Variants in MYCBP2 observed in about 807,000 individuals in gnomAD.
MYCBP2 encodes the protein E3 ubiquitin-protein ligase MYCBP2.
In MYCBP2, 120 loss-of-function variants were observed where a neutral mutation model predicts 525.3. The observed-to-expected ratio is 0.23, with a 90% CI of 0.20 to 0.27. The LOEUF (loss-of-function observed/expected upper bound fraction) is 0.27. Ranked by LOEUF, MYCBP2 falls within the 10% of genes least tolerant of loss-of-function variation. The pLI is 1.00. For synonymous variants in MYCBP2, 1,894 were observed against 1,955.8 expected (o/e 0.97, Z 0.83); for missense variants, 4,149 against 5,657.1 (o/e 0.73, Z 8.55).
At position 77,121,437 on chromosome 13, in the gene MYCBP2, T is replaced by A; in HGVS notation, c.8076A>T (p.Gln2692His). Residue 2692 changes from glutamine (Q) to histidine (H), a missense_variant, in exon 55 of 83, where the codon CAA becomes CAT. Gln to His is a conservative substitution (Grantham distance 24). Transcript: ENST00000544440. ...QTPPPSPFSV[Q>H]AFNKGASCSA... is the part of the protein sequence containing the mutation. ...TGCAACTTGCCCCTTTATTAAAAGC[T>A]TGCACTGAGAAAGGGCTTGGAGGAG... is the stretch of plus-strand genomic sequence containing the variant. 1.3e-6 allele frequency: 2 copies of A among 1,597,248 alleles called. No individual in the cohort carries two copies. Among genetic ancestry groups the A allele is most frequent in the Middle Eastern group, 1.7e-4 (1 of 5,978 alleles).
intron 3 of MYCBP2, among the ~76,000 whole-genome samples, chr13:77,286,316 A>G (rs2076752080): frequency 6.6e-6 from 1 of 152,232 alleles, no homozygotes; most frequent in Non-Finnish European, 1.5e-5. Flanking sequence ...GTCATAAATC[A>G]TTTATAATTA....
At chr13:77,220,468 T>C (rs1348627376) in intron 20 of MYCBP2, among the ~76,000 whole-genome samples, 1 of 152,148 alleles carries the variant, frequency 6.6e-6, no homozygotes. Context: ...ATTCTGGCAA[T>C]ATAACACATT....
chr13:77,217,984 C>T lies in MYCBP2; in HGVS notation c.2940-27G>A, dbSNP rs551497803. ...TAGGTTAAAAAAAAAAAAAGTAAGT[C>T]AATTTCTTACAAAACTCAACTAAAA... On this transcript the variant is annotated intron_variant, in intron 20 of 82. Coordinates refer to ENST00000544440, the MANE Select transcript of MYCBP2 (RefSeq NM_015057.5). 4.1e-5 allele frequency: 58 copies of T among 1,409,448 alleles called. 1 individual carries two copies. In the South Asian group the frequency reaches 5.7e-4, roughly 14 times the overall value. 87.3% of individuals were successfully genotyped at this position (1,409,448 alleles called of 1,614,324 possible).
chr13:77,069,506 G>A (rs868163475), intron 69 of MYCBP2, among the ~76,000 whole-genome samples: 3 of 151,790 alleles, frequency 2.0e-5, no homozygotes, highest in Middle Eastern at 3.4e-3. Flanking sequence ...TTGGGAGGCC[G>A]AGGCAGGTGG....
At chr13:77,275,107 C>A (rs571315582) in intron 4 of MYCBP2, among the ~76,000 whole-genome samples, 2 of 152,160 alleles carry the variant, frequency 1.3e-5, no homozygotes. Context: ...CTATTCTACA[C>A]TAGGGTATTG....
At chr13:77,255,231 G>A (rs1472957919) in intron 14 of MYCBP2, among the ~76,000 whole-genome samples, 1 of 151,788 alleles carries the variant, frequency 6.6e-6, no homozygotes, top group Non-Finnish European at 1.5e-5. Flanking sequence ...ATTTCCACTA[G>A]CCAAGTATGA....
At chr13:77,309,926 A>C (rs952104494) in intron 1 of MYCBP2, among the ~76,000 whole-genome samples, 3 of 152,212 alleles carry the variant, frequency 2.0e-5, no homozygotes, top group African/African-American at 4.8e-5. Context: ...ATCCTGGCCA[A>C]GATGGTGAAA....
intron 1 of MYCBP2, among the ~76,000 whole-genome samples, chr13:77,303,843 A>G (rs759314251): frequency 6.6e-6 from 1 of 152,198 alleles, no homozygotes; most frequent in Non-Finnish European, 1.5e-5. Context: ...CACAAATTAA[A>G]TGCAAAATAT....
chr13:77,057,834 CTTTT>C (rs11419165), intron 78 of MYCBP2, among the ~76,000 whole-genome samples: 2 of 121,108 alleles, frequency 1.7e-5, no homozygotes, highest in Non-Finnish European at 3.4e-5. Context: ...CAATCAACTG[CTTTT>C]TTTTTTTTTT....
chr13:77,108,865 A>T (rs891461545), intron 55 of MYCBP2, among the ~76,000 whole-genome samples: 2 of 152,026 alleles, frequency 1.3e-5, no homozygotes, highest in African/African-American at 4.8e-5. Flanking sequence ...CACCACACCC[A>T]GCTAATTTTT....
intron 55 of MYCBP2, among the ~76,000 whole-genome samples, chr13:77,102,875 T>A (rs1363599726): frequency 6.6e-6 from 1 of 151,958 alleles, no homozygotes; most frequent in East Asian, 1.9e-4. Context: ...ATCATCTTTT[T>A]CTGATAAAAA....
At chr13:77,194,113 G>T in intron 27 of MYCBP2, 40 bp downstream of exon 27, 1 of 1,277,524 alleles carries the variant, frequency 7.8e-7, no homozygotes, top group Non-Finnish European at 1.1e-6. Flanking sequence ...TTAATATTAA[G>T]TATGCAAGAG....
chr13:77,046,283 C>T (rs772712264), intron 82 of MYCBP2, among the ~76,000 whole-genome samples: 2 of 152,138 alleles, frequency 1.3e-5, no homozygotes, highest in Non-Finnish European at 2.9e-5. Flanking sequence ...CAGAAAAACA[C>T]GCTAGGCTTA....
chr13:77,299,687 T>C (rs570126914), intron 1 of MYCBP2, among the ~76,000 whole-genome samples: 5 of 152,268 alleles, frequency 3.3e-5, no homozygotes, highest in Non-Finnish European at 7.4e-5. Context: ...ACATTAACAA[T>C]TTAACTTGGA....
chr13:77,303,651 T>A (rs565948956), intron 1 of MYCBP2, among the ~76,000 whole-genome samples: 200 of 151,506 alleles, frequency 1.3e-3, no homozygotes, highest in Non-Finnish European at 2.0e-3. Context: ...ACAATGGAAA[T>A]CAGAAAATAT....
chr13:77,182,153 C>A (rs1257733580), intron 32 of MYCBP2, among the ~76,000 whole-genome samples: 2 of 152,144 alleles, frequency 1.3e-5, no homozygotes, highest in African/African-American at 4.8e-5. Context: ...AAAAATCAGG[C>A]TCCTGTCCTC....
At chr13:77,161,770 T>C (rs770786247) in intron 44 of MYCBP2, 136 bp downstream of exon 44, 20 of 618,342 alleles carry the variant, frequency 3.2e-5, no homozygotes, top group Non-Finnish European at 5.3e-5. Context: ...ATAAGTTATT[T>C]ATCTCTATAA....
chr13:77,240,065 T>C (rs1237112331), intron 17 of MYCBP2, among the ~76,000 whole-genome samples: 1 of 152,212 alleles, frequency 6.6e-6, no homozygotes, highest in Non-Finnish European at 1.5e-5. Context: ...TTTATCTCTA[T>C]GGAAGTGTAA....
rs1453488340 is a variant in MYCBP2, at chr13:77,205,594, A to G, written c.3594T>C (p.Cys1198=). ...RSHAALHILG[C]LDTLAAMQDL... ...CCTGCATAGCTGCCAAGGTATCAAG[A>G]CAACCTAAAACAACAAAGAAACAAA... is the stretch of plus-strand genomic sequence containing the variant. The change falls in exon 25 of 83, where the codon TGT becomes TGC. Residue 1198 remains cysteine, a synonymous_variant. Transcript: ENST00000544440. 3 of 1,603,678 alleles carry G rather than the reference A, an allele frequency of 1.9e-6. No individual in the cohort carries two copies. In the African/African-American group the frequency reaches 4.0e-5, roughly 22 times the overall value.
Sources: allele counts gnomAD v4.1 joint callset (sites outside exome capture counted in the v4.1 genomes callset), GRCh38; gene constraint gnomAD v4.1.1; transcripts MANE v1.5; gene names NCBI Gene and HGNC (gene_info 2026-07-23, HGNC 2026-07-21).